Variants in MYO18B observed in about 807,000 individuals in gnomAD.
MYO18B encodes the protein unconventional myosin-XVIIIb.
In MYO18B, 204 loss-of-function variants were observed where a neutral mutation model predicts 273.0. The observed-to-expected ratio is 0.75, with a 90% CI of 0.67 to 0.84. The LOEUF (loss-of-function observed/expected upper bound fraction) is 0.84. MYO18B is among the 40% of genes least tolerant of loss of function. The probability of loss-of-function intolerance (pLI) is 0.00; values close to 1 mark genes in which losing one functional copy is unlikely to be tolerated. For missense variants in MYO18B, 3,212 were observed against 3,287.6 expected, an observed-to-expected ratio of 0.98 and a Z score of 0.56; for synonymous variants, 1,330 against 1,305.7, an observed-to-expected ratio of 1.02 and a Z score of -0.40.
downstream of MYO18B, among the ~76,000 whole-genome samples, chr22:26,033,836 CT>C (rs1936719115): frequency 9.0e-6 from 1 of 111,114 alleles, no homozygotes; most frequent in East Asian, 2.0e-4. Flanking sequence ...TTCCTTCTTT[CT>C]TTCTTTCCTT....
At chr22:26,061,631 G>A in the MYO18B span, among the ~76,000 whole-genome samples, 46 of 151,272 alleles carry the variant, frequency 3.0e-4, 1 homozygote, top group South Asian at 8.1e-3. Context: ...CCCTATTGCC[G>A]AGAAACGTCA....
At chr22:25,915,207 G>A (rs941661078) in intron 33 of MYO18B, among the ~76,000 whole-genome samples, 5 of 152,100 alleles carry the variant, frequency 3.3e-5, no homozygotes, top group African/African-American at 1.2e-4. Flanking sequence ...ACACATATTT[G>A]CAGTGTCTTT....
Position 25,823,555 on chromosome 22 carries a change from G to T in MYO18B, c.2572G>T (p.Ala858Ser). The T allele has an allele frequency of 6.2e-7, 1 of 1,613,994 alleles. No individual in the cohort carries two copies. Among genetic ancestry groups the T allele is most frequent in the South Asian group, 1.1e-5 (1 of 91,084 alleles). Residue 858 changes from alanine to serine, a missense_variant, in exon 13 of 44, where the codon GCC (alanine) becomes TCC (serine). Ala to Ser is a moderately conservative substitution (Grantham distance 99, BLOSUM62 1). Transcript: ENST00000335473. ...TGAGTGGGCAAACTACGCAGCTGAG[G>T]CCCTGGGCTGCGAGTATGAGGAGCT... ...RFEWANYAAE[A>S]LGCEYEELNT...
At position 25,851,559 on chromosome 22, in the gene MYO18B, G is replaced by A. The variant is rs1260175087; in HGVS notation, c.3865G>A (p.Glu1289Lys). ...CCTGAAGAAGCTCATGTCGACCTCC[G>A]AGGGAATAGATGAAAGGAAGGTAGG... ...PLLKKLMSTS[E>K]GIDERKAVEE... Residue 1289 changes from glutamate to lysine, a missense_variant, in exon 21 of 44, where the codon GAG becomes AAG. Physicochemically the swap from Glu to Lys is moderately conservative, Grantham distance 56 (BLOSUM62 1). Transcript: ENST00000335473. 6.4e-6 allele frequency: 10 copies of A among 1,557,724 alleles called. No homozygotes were observed. Among genetic ancestry groups the A allele is most frequent in the East Asian group, 2.4e-5 (1 of 41,484 alleles).
At chr22:25,878,895 T>A (rs2091267983) in intron 25 of MYO18B, among the ~76,000 whole-genome samples, 1 of 152,258 alleles carries the variant, frequency 6.6e-6, no homozygotes. Context: ...TGCTAGAGAA[T>A]CTTATCCACG....
At position 25,955,380 on chromosome 22, in the gene MYO18B, A is replaced by G; in HGVS notation, c.6156+16A>G. 6.3e-7 allele frequency: 1 copy of G among 1,595,814 alleles called. No homozygotes were observed. Reference sequence around the variant, plus strand: ...CATGGAGCTGGTGAGTCCTGTCCCCATCATGGGCTCTTAGCGACTGAGGGT... The same window carrying G: ...CATGGAGCTGGTGAGTCCTGTCCCCGTCATGGGCTCTTAGCGACTGAGGGT... On this transcript the variant is annotated intron_variant, in intron 39 of 43. Coordinates refer to ENST00000335473, the MANE Select transcript of MYO18B (RefSeq NM_032608.7).
intron 34 of MYO18B, among the ~76,000 whole-genome samples, chr22:25,936,414 A>C (rs934347315): frequency 2.6e-5 from 4 of 152,230 alleles, no homozygotes; most frequent in Admixed American, 6.5e-5. Flanking sequence ...TGCTTTACTC[A>C]GCAGGTGGTG....
At chr22:25,955,826 A>G (rs2092844988) in intron 39 of MYO18B, among the ~76,000 whole-genome samples, 1 of 152,176 alleles carries the variant, frequency 6.6e-6, no homozygotes, top group Admixed American at 6.5e-5. Flanking sequence ...CGAGCCTTCC[A>G]GAAGGGGAGA....
chr22:25,917,546 G>GTGTA (rs1555944179), intron 33 of MYO18B, among the ~76,000 whole-genome samples: 2 of 2,056 alleles, frequency 9.7e-4, no homozygotes, highest in Non-Finnish European at 3.0e-3. Flanking sequence ...CTTTGTAGGG[G>GTGTA]TGTGTGTGTG....
At chr22:25,863,945 T>C (rs2090814302) in intron 21 of MYO18B, among the ~76,000 whole-genome samples, 1 of 152,230 alleles carries the variant, frequency 6.6e-6, no homozygotes, top group Non-Finnish European at 1.5e-5. Flanking sequence ...TCTGGCATGT[T>C]TAAGGTCCAG....
chr22:25,918,246 G>C (rs944279954), intron 33 of MYO18B, among the ~76,000 whole-genome samples: 1 of 152,014 alleles, frequency 6.6e-6, no homozygotes, highest in African/African-American at 2.4e-5. Flanking sequence ...AAAGTGGTTT[G>C]GTTATCCCTA....
chr22:25,766,319 A>G (rs1238488248), intron 3 of MYO18B, among the ~76,000 whole-genome samples: 1 of 152,148 alleles, frequency 6.6e-6, no homozygotes, highest in East Asian at 1.9e-4. Flanking sequence ...AGATTGCATG[A>G]TGGTGATATA....
At chr22:26,020,682 T>A (rs999936649) in intron 42 of MYO18B, among the ~76,000 whole-genome samples, 1 of 152,218 alleles carries the variant, frequency 6.6e-6, no homozygotes, top group Non-Finnish European at 1.5e-5. Context: ...TGGCTTCCAC[T>A]CTTAAATACT....
intron 34 of MYO18B, among the ~76,000 whole-genome samples, chr22:25,932,827 AT>A (rs61435665): frequency 0.36 from 53,634 of 149,576 alleles, 10,286 homozygotes; most frequent in African/African-American, 0.49. Context: ...TGAGCAAAGA[AT>A]TTTTTTTTTT....
At chr22:25,773,205 G>T (rs1308315638) in intron 7 of MYO18B, among the ~76,000 whole-genome samples, 1 of 152,188 alleles carries the variant, frequency 6.6e-6, no homozygotes, top group Non-Finnish European at 1.5e-5. Context: ...TAGTGATTGA[G>T]CTATTGATTG....
At chr22:25,861,280 A>G (rs1319428645) in intron 21 of MYO18B, among the ~76,000 whole-genome samples, 1 of 152,084 alleles carries the variant, frequency 6.6e-6, no homozygotes, top group East Asian at 1.9e-4. Flanking sequence ...TTATCCTGTC[A>G]TTCTATGCAT....
intron 39 of MYO18B, among the ~76,000 whole-genome samples, chr22:25,971,482 G>A (rs1036854511): frequency 6.6e-6 from 1 of 152,228 alleles, no homozygotes; most frequent in Non-Finnish European, 1.5e-5. Context: ...ACATGAGAGA[G>A]TGAAACCAAA....
intron 34 of MYO18B, among the ~76,000 whole-genome samples, chr22:25,937,045 T>G (rs527658753): frequency 6.6e-6 from 1 of 152,128 alleles, no homozygotes; most frequent in South Asian, 2.1e-4. Context: ...ATAATATTTA[T>G]TATTACTTTG....
chr22:25,762,956 G>A (rs1168040270), intron 2 of MYO18B: 1 of 612,604 alleles, frequency 1.6e-6, no homozygotes, highest in South Asian at 1.4e-5. Context: ...GACCATACAA[G>A]TGACTGTTCA....
Sources: allele counts gnomAD v4.1 joint callset (sites outside exome capture counted in the v4.1 genomes callset), GRCh38; gene constraint gnomAD v4.1.1; transcripts MANE v1.5; gene names NCBI Gene and HGNC (gene_info 2026-07-23, HGNC 2026-07-21).